The following PTRH1 variants were observed in gnomAD, a reference collection of about 807,000 sequenced individuals.
PTRH1 encodes the protein peptidyl-tRNA hydrolase.
In PTRH1, 13 loss-of-function variants were observed where a neutral mutation model predicts 15.7. That is an observed-to-expected ratio of 0.83 (90% CI 0.54 to 1.31). The LOEUF (loss-of-function observed/expected upper bound fraction) is 1.31. Among genes scored for constraint, PTRH1 ranks in the 40% most tolerant of loss-of-function variants. The pLI is 0.00. For synonymous variants in PTRH1, 139 were observed against 136.7 expected (o/e 1.02, Z -0.12); for missense variants, 319 against 296.2 (o/e 1.08, Z -0.56).
rs1349842036 is a variant in PTRH1, at chr9:127,715,260, G to C, written c.97-66C>G. On this transcript the variant is annotated intron_variant, in intron 1 of 4. Transcript: ENST00000543175. The surrounding 1 kb of genome is among the most constrained non-coding windows in gnomAD (Gnocchi z 5.8). ...GCCACCCCCGATCTCACAGCGTCCC[G>C]TGGGCCCCAACGCAGAGGAGCGGAA... The C allele has an allele frequency of 2.0e-6, 3 of 1,480,974 alleles. No individual in the cohort carries two copies. Among genetic ancestry groups the C allele is most frequent in the Non-Finnish European group, 9.1e-7 (1 of 1,097,160 alleles). The allele number at this position is 1,480,974 out of a possible 1,614,324, so 91.7% of individuals were successfully genotyped here. A position where few individuals can be genotyped will look rare whatever the true frequency, so the allele number is the denominator to read the frequency against.
In PTRH1 at chr9:127,715,244, G is replaced by A; in HGVS notation, c.97-50C>T. The A allele has an allele frequency of 6.6e-7, 1 of 1,503,882 alleles. No individual in the cohort carries two copies. The highest frequency in any genetic ancestry group is 1.4e-5 in the African/African-American group (1 of 72,472). The allele number at this position is 1,503,882 out of a possible 1,614,324, so 93.2% of individuals were successfully genotyped here. ...AGGCCCAACAACTCTCGCCACCCCC[G>A]ATCTCACAGCGTCCCGTGGGCCCCA... On this transcript the variant is annotated intron_variant, in intron 1 of 4. Transcript: ENST00000543175. The surrounding 1 kb of genome is among the most constrained non-coding windows in gnomAD (Gnocchi z 5.8).
chr9:127,705,000 G>A (rs990884947), intron 1 of PTRH1, among the ~76,000 whole-genome samples: 1 of 151,894 alleles, frequency 6.6e-6, no homozygotes, highest in Non-Finnish European at 1.5e-5. Flanking sequence ...CTCCCACCTT[G>A]GCCTCTCAAA....
chr9:127,714,932 A>ACCCCCTTGGGCCCCCCCCCCCC, intron 2 of PTRH1, 43 bp downstream of exon 2: 1 of 256,396 alleles, frequency 3.9e-6, no homozygotes. Context: ...CCCAACCCCC[A>ACCCCCTTGGGCCCCCCCCCCCC]CCCCCTTGGC....
chr9:127,700,917 C>T lies in PTRH1; in HGVS notation c.206-5776G>A, dbSNP rs148189955. On this transcript the variant is annotated intron_variant, in intron 1 of 2. Coordinates refer to the PTRH1 transcript ENST00000335223. ...CTATGAACTGGCTCTGGCCAATTTACAGAGCACTTGCATGCCCTCATCTTC... is the reference window on the plus strand; with the variant it reads ...CTATGAACTGGCTCTGGCCAATTTATAGAGCACTTGCATGCCCTCATCTTC... Among the ~76,000 whole-genome samples, 712 of 152,342 alleles carry T rather than the reference C, an allele frequency of 4.7e-3. 6 individuals carry two copies. The highest frequency in any genetic ancestry group is 0.015 in the African/African-American group (636 of 41,572).
At chr9:127,711,375 G>T, downstream of PTRH1, 1 of 1,614,204 alleles carries the variant, frequency 6.2e-7, no homozygotes, top group Non-Finnish European at 8.5e-7. Flanking sequence ...TCCCAGCAAG[G>T]CATGAAGCTG....
chr9:127,710,592 G>A (rs756816294), downstream of PTRH1: 109 of 1,574,572 alleles, frequency 6.9e-5, no homozygotes, highest in Non-Finnish European at 9.1e-5. Context: ...TGTGCGCTGT[G>A]GCGGCCAGGG....
At chr9:127,699,117 A>T (rs1193682474) in intron 1 of PTRH1, among the ~76,000 whole-genome samples, 1 of 152,118 alleles carries the variant, frequency 6.6e-6, no homozygotes, top group Non-Finnish European at 1.5e-5. Flanking sequence ...CATGACCTCA[A>T]GTCATCCGCC....
chr9:127,713,280 C>T, downstream of PTRH1: 2 of 1,158,600 alleles, frequency 1.7e-6, no homozygotes, highest in Non-Finnish European at 2.4e-6. Flanking sequence ...TCTGCCAGGC[C>T]ACAGCTGTGT....
downstream of PTRH1, chr9:127,712,455 C>A: frequency 6.7e-7 from 1 of 1,489,188 alleles, no homozygotes; most frequent in Non-Finnish European, 9.0e-7. Flanking sequence ...CCCCTCTTTT[C>A]CCTGAGAGAC....
Position 127,714,700 on chromosome 9 carries a change from C to T in PTRH1, c.319G>A (p.Glu107Lys), listed in dbSNP as rs1279538834. Residue 107 changes from glutamate to lysine, a missense_variant and splice_region_variant, in exon 3 of 5, where the codon GAG becomes AAG. By Grantham distance (56) the Glu-to-Lys change is moderately conservative. Coordinates refer to ENST00000543175, the MANE Select transcript of PTRH1 (RefSeq NM_001002913.3). ...TCCTCGGCAGTCAGCCCAAACAGCTCCGCTTAGCACAGGGAAACGGCAGCC... is the reference window on the plus strand; with the variant it reads ...TCCTCGGCAGTCAGCCCAAACAGCTTCGCTTAGCACAGGGAAACGGCAGCC... ...ANGRSVARAA[E>K]LFGLTAEEVY... 2 of 1,610,472 alleles carry T rather than the reference C, an allele frequency of 1.2e-6. No homozygotes were observed. The highest frequency in any genetic ancestry group is 2.2e-5 in the East Asian group (1 of 44,608).
downstream of PTRH1, chr9:127,710,829 C>T: frequency 6.7e-7 from 1 of 1,496,048 alleles, no homozygotes; most frequent in African/African-American, 1.4e-5. Flanking sequence ...GTCTTCAGGC[C>T]TCAGCTTCTA....
chr9:127,713,096 G>C (rs757350739), downstream of PTRH1: 10 of 1,613,682 alleles, frequency 6.2e-6, no homozygotes, highest in Non-Finnish European at 7.6e-6. Flanking sequence ...CCAGCCGGGG[G>C]ATCTAGGCCT....
chr9:127,702,314 A>G (rs1842610090), intron 1 of PTRH1, among the ~76,000 whole-genome samples: 1 of 150,352 alleles, frequency 6.7e-6, no homozygotes, highest in South Asian at 2.2e-4. Context: ...TGGAGCTTGC[A>G]GTGAGCCAAG....
At chr9:127,695,388 G>A (rs1005683582) in intron 1 of PTRH1, 12 of 481,658 alleles carry the variant, frequency 2.5e-5, no homozygotes, top group Non-Finnish European at 3.6e-5. Context: ...GGCTGAAAGA[G>A]TGAGGGTCGT....
At chr9:127,709,730 C>T (rs115025333), downstream of PTRH1, 1,534 of 1,594,022 alleles carry the variant, frequency 9.6e-4, 12 homozygotes, top group African/African-American at 0.017. The surrounding 1 kb of genome is among the most constrained non-coding windows in gnomAD (Gnocchi z 4.7). Flanking sequence ...TGCAGGCACA[C>T]ATCCCAGCTC....
chr9:127,705,767 G>A lies in PTRH1; in HGVS notation c.205+9668C>T, dbSNP rs2131580593. The stretch of plus-strand genomic sequence containing the variant: ...ATCGCATTGAGCTGGAAGGGCACTG[G>A]GCCAGGCCTCCCCGCTCTCCCCACA... On this transcript the variant is annotated intron_variant, in intron 1 of 2. Transcript: ENST00000335223. The surrounding 1 kb of genome is among the most constrained non-coding windows in gnomAD (Gnocchi z 4.7). 6.6e-6 allele frequency among the ~76,000 whole-genome samples: 1 copy of A among 152,324 alleles called. No individual in the cohort carries two copies. Among genetic ancestry groups the A allele is most frequent in the South Asian group, 2.1e-4 (1 of 4,832 alleles).
At chr9:127,713,068 C>G, downstream of PTRH1, 1 of 1,613,994 alleles carries the variant, frequency 6.2e-7, no homozygotes, top group South Asian at 1.1e-5. Flanking sequence ...TGCCGCAGCT[C>G]TCTGACATCA....
At chr9:127,700,497 G>T (rs1436368530) in intron 1 of PTRH1, among the ~76,000 whole-genome samples, 1 of 152,142 alleles carries the variant, frequency 6.6e-6, no homozygotes, top group African/African-American at 2.4e-5. Context: ...CTTAAAAACA[G>T]TTCCCAGCCA....
downstream of PTRH1, chr9:127,711,773 G>A (rs756173698): frequency 6.5e-7 from 1 of 1,536,918 alleles, no homozygotes; most frequent in Non-Finnish European, 8.8e-7. Flanking sequence ...GTCTGCAGCT[G>A]GGGGACAGGG....
Sources: allele counts gnomAD v4.1 joint callset (sites outside exome capture counted in the v4.1 genomes callset), GRCh38; gene constraint gnomAD v4.1.1; non-coding constraint Gnocchi (gnomAD v3.1); transcripts MANE v1.5; gene names NCBI Gene and HGNC (gene_info 2026-07-23, HGNC 2026-07-21).